STK3: variants seen among roughly 807,000 people sequenced by gnomAD.
STK3 encodes serine/threonine kinase 3, also known as serine/threonine-protein kinase 3.
Under a neutral mutation model 58.0 loss-of-function variants are expected in STK3, and 41 were observed. The ratio of observed to expected loss-of-function variants is 0.71; its 90% CI spans 0.55 to 0.92. The LOEUF is 0.92. STK3 is among the 40% of genes least tolerant of loss of function. The pLI, the probability that STK3 is intolerant of heterozygous loss-of-function variation, is 0.00. For missense variants in STK3, 479 were observed against 602.7 expected, an observed-to-expected ratio of 0.79 and a Z score of 2.15; for synonymous variants, 170 against 191.0, an observed-to-expected ratio of 0.89 and a Z score of 0.91.
rs1351470231 is a variant in STK3 at position 98,595,752 on chromosome 8, T to C, written c.822+280A>G. 1.1e-5 allele frequency: 3 copies of C among 261,416 alleles called. No homozygotes were observed. In the East Asian group the frequency reaches 2.0e-4, roughly 17 times the overall value. The allele number at this position is 261,416 out of a possible 1,614,324, so 16.2% of individuals were successfully genotyped here. A position where few individuals can be genotyped will look rare whatever the true frequency, so the allele number is the denominator to read the frequency against. On this transcript the variant is annotated intron_variant, in intron 7 of 10. Transcript: ENST00000419617. ...GAGCAAAAAGTCAAAGGATAAATGC[T>C]GAGTCAAGGAACAGAAGAAAAAAAA...
intron 1 of STK3, among the ~76,000 whole-genome samples, chr8:98,913,131 C>CA (rs71995197): frequency 0.22 from 31,925 of 143,024 alleles, 3,850 homozygotes; most frequent in East Asian, 0.42. Flanking sequence ...ACATAAATGG[C>CA]AAAAAAAAAA....
At chr8:98,657,731 A>T (rs1280151841) in intron 6 of STK3, among the ~76,000 whole-genome samples, 1 of 152,090 alleles carries the variant, frequency 6.6e-6, no homozygotes, top group Non-Finnish European at 1.5e-5. Flanking sequence ...AAGAGTATTA[A>T]GAGTATCTTA....
chr8:98,846,874 C>A (rs1210051968), intron 3 of STK3, among the ~76,000 whole-genome samples: 1 of 150,976 alleles, frequency 6.6e-6, no homozygotes, highest in South Asian at 2.1e-4. Context: ...CACACACACA[C>A]ACACACACAC....
chr8:98,894,003 G>A (rs1838358334), intron 1 of STK3, among the ~76,000 whole-genome samples: 1 of 152,204 alleles, frequency 6.6e-6, no homozygotes, highest in African/African-American at 2.4e-5. Flanking sequence ...GGAAGGATAA[G>A]ATGTAAAATG....
chr8:98,392,864 C>T (rs1207536646), upstream of STK3, among the ~76,000 whole-genome samples: 1 of 152,186 alleles, frequency 6.6e-6, no homozygotes, highest in Non-Finnish European at 1.5e-5. Flanking sequence ...TCAGCTGGCA[C>T]ACAGAAAAAC....
chr8:98,925,630 C>T (rs1839760276), intron 1 of STK3, among the ~76,000 whole-genome samples: 1 of 152,092 alleles, frequency 6.6e-6, no homozygotes, highest in Non-Finnish European at 1.5e-5. Flanking sequence ...TTTCAGCCCC[C>T]TTTTTTCATC....
upstream of STK3, chr8:98,825,801 C>G (rs1233162036): frequency 1.9e-4 from 13 of 70,064 alleles, 2 homozygotes; most frequent in African/African-American, 7.0e-4. Context: ...CCCGGCCGCC[C>G]CGCCCCGCCC....
rs1169918170 is a variant in STK3 at position 98,800,328 on chromosome 8, C to T, written c.26+25187G>A. 1.3e-5 allele frequency among the ~76,000 whole-genome samples: 2 copies of T among 152,350 alleles called. No homozygotes were observed. Among genetic ancestry groups the T allele is most frequent in the South Asian group, 4.1e-4 (2 of 4,828 alleles). ...GGACACTACAACTGCAGGGCCCCTT[C>T]AAAGCCCCTATCCAGCAGGAAGTAG... is the stretch of plus-strand genomic sequence containing the variant. On this transcript the variant is annotated intron_variant, in intron 1 of 10. Transcript: ENST00000419617. The surrounding 1 kb of genome is among the most constrained non-coding windows in gnomAD (Gnocchi z 4.8).
intron 1 of STK3, among the ~76,000 whole-genome samples, chr8:98,792,485 T>C (rs922946943): frequency 2.0e-5 from 3 of 152,028 alleles, no homozygotes; most frequent in African/African-American, 7.3e-5. Flanking sequence ...TCACCTGAGG[T>C]TGGGAGTTCG....
At chr8:98,788,194 T>C (rs1832588441) in intron 1 of STK3, among the ~76,000 whole-genome samples, 1 of 151,878 alleles carries the variant, frequency 6.6e-6, no homozygotes, top group East Asian at 1.9e-4. Flanking sequence ...GTAATCTCAA[T>C]ACTGGGAGGC....
chr8:98,505,816 A>T (rs1824014447), intron 10 of STK3, among the ~76,000 whole-genome samples: 1 of 152,130 alleles, frequency 6.6e-6, no homozygotes, highest in Non-Finnish European at 1.5e-5. Context: ...GTTGGCCCCT[A>T]CTGGGAGGTG....
intron 3 of STK3, among the ~76,000 whole-genome samples, chr8:98,837,856 C>T (rs1052116472): frequency 2.0e-5 from 3 of 151,992 alleles, no homozygotes; most frequent in Admixed American, 6.6e-5. Context: ...CACTTGAGCC[C>T]AGGAGTTTGA....
chr8:98,575,673 T>G (rs1412436858), intron 8 of STK3, among the ~76,000 whole-genome samples: 1 of 151,774 alleles, frequency 6.6e-6, no homozygotes, highest in Non-Finnish European at 1.5e-5. Context: ...GGTCTCATTA[T>G]GTTGCCCAGG....
At chr8:98,833,930 C>T (rs577906786) in intron 3 of STK3, among the ~76,000 whole-genome samples, 1 of 152,094 alleles carries the variant, frequency 6.6e-6, no homozygotes, top group East Asian at 1.9e-4. Flanking sequence ...TGGGACTAGA[C>T]TTCCCTGAAG....
chr8:98,914,488 A>ACT (rs1482589895), intron 1 of STK3, among the ~76,000 whole-genome samples: 16 of 145,658 alleles, frequency 1.1e-4, no homozygotes, highest in South Asian at 2.4e-4. Context: ...ACACACACAC[A>ACT]CACACTCTCT....
At chr8:98,422,964 C>T (rs768198658) in intron 3 of STK3, among the ~76,000 whole-genome samples, 1 of 152,152 alleles carries the variant, frequency 6.6e-6, no homozygotes, top group Non-Finnish European at 1.5e-5. Context: ...ATTAAAATCT[C>T]CCCAGGTGAT....
chr8:98,556,356 CG>C lies in STK3; in HGVS notation c.949-8196del, dbSNP rs200941218. ...TTCTCAGAGATAAAATCTAGCCAAACGTGAACTCACTATCCCAAAGATAAAT... is the reference window on the plus strand; with the variant it reads ...TTCTCAGAGATAAAATCTAGCCAAACTGAACTCACTATCCCAAAGATAAAT... On this transcript the variant is annotated intron_variant, in intron 8 of 10. Transcript: ENST00000419617. 8.9e-3 allele frequency among the ~76,000 whole-genome samples: 1,359 copies of C among 152,108 alleles called. 15 individuals carry two copies. The highest frequency in any genetic ancestry group is 0.014 in the Non-Finnish European group (973 of 67,962).
At chr8:98,583,376 A>G (rs921163567) in intron 7 of STK3, among the ~76,000 whole-genome samples, 1 of 152,144 alleles carries the variant, frequency 6.6e-6, no homozygotes, top group Non-Finnish European at 1.5e-5. Context: ...GAATGTTGCC[A>G]TAGAATCTGC....
intron 1 of STK3, among the ~76,000 whole-genome samples, chr8:98,781,240 C>T (rs890985399): frequency 2.6e-5 from 4 of 152,046 alleles, no homozygotes; most frequent in East Asian, 3.8e-4. Flanking sequence ...CAAAGAGAAC[C>T]AAGTAATTTT....
Sources: gnomAD v4.1 joint callset for allele counts (sites outside exome capture counted in the v4.1 genomes callset) on GRCh38, gnomAD v4.1.1 for gene constraint, Gnocchi (gnomAD v3.1) non-coding constraint, MANE v1.5 for transcripts, NCBI Gene and HGNC (gene_info 2026-07-23, HGNC 2026-07-21) for gene names.